The following SLC27A2 variants were observed in gnomAD, a reference collection of about 807,000 sequenced individuals.
The protein encoded by SLC27A2 is long-chain fatty acid transport protein 2.
A neutral mutation model predicts 60.0 loss-of-function variants in SLC27A2; 54 were observed. That is an observed-to-expected ratio of 0.90 (90% CI 0.72 to 1.13). The LOEUF (loss-of-function observed/expected upper bound fraction) is 1.13. Among genes scored for constraint, SLC27A2 ranks in the 50% most tolerant of loss-of-function variants. The pLI is 0.00. For missense variants in SLC27A2, 739 were observed against 777.6 expected (o/e 0.95, Z 0.59); for synonymous variants, 297 against 297.6 (o/e 1.00, Z 0.02).
At position 50,227,010 on chromosome 15, in the gene SLC27A2, C is replaced by G. The variant is rs2045283002; in HGVS notation, c.1289C>G (p.Thr430Arg). 6.2e-7 allele frequency: 1 copy of G among 1,613,756 alleles called. No individual in the cohort carries two copies. Among genetic ancestry groups the G allele is most frequent in the Admixed American group, 1.7e-5 (1 of 59,948 alleles). Reference protein sequence around the residue: ...GEVGLLVCKITQLTPFNGYAG... With the variant: ...GEVGLLVCKIRQLTPFNGYAG... ...GTTGGACTTCTGGTTTGCAAAATCACACAACTTACACCATTTAATGGCTAT... is the reference window on the plus strand; with the variant it reads ...GTTGGACTTCTGGTTTGCAAAATCAGACAACTTACACCATTTAATGGCTAT... The change falls in exon 7 of 10, where the codon ACA becomes AGA. Residue 430 changes from threonine to arginine, a missense_variant. Transcript: ENST00000267842.
intron 1 of SLC27A2, among the ~76,000 whole-genome samples, chr15:50,183,723 C>A (rs2044892766): frequency 6.6e-6 from 1 of 152,120 alleles, no homozygotes; most frequent in Admixed American, 6.5e-5. Context: ...GAATAAGGAC[C>A]AAGGGTTCCT....
At chr15:50,201,031 G>C (rs976890318) in intron 2 of SLC27A2, among the ~76,000 whole-genome samples, 7 of 152,130 alleles carry the variant, frequency 4.6e-5, no homozygotes, top group African/African-American at 1.7e-4. Flanking sequence ...TCATTCTGTT[G>C]CCCAGGCTGG....
intron 1 of SLC27A2, among the ~76,000 whole-genome samples, chr15:50,196,124 A>G (rs1453363372): frequency 1.2e-4 from 12 of 101,994 alleles, no homozygotes; most frequent in Non-Finnish European, 2.4e-4. Flanking sequence ...ATATATATAT[A>G]TGTATGTACA....
intron 1 of SLC27A2, among the ~76,000 whole-genome samples, chr15:50,188,854 G>A (rs972756528): frequency 2.0e-5 from 3 of 152,140 alleles, no homozygotes; most frequent in Admixed American, 1.3e-4. Flanking sequence ...CAGCTACTCC[G>A]GAGGCTGAGG....
intron 8 of SLC27A2, 105 bp from the exon 9 acceptor site, chr15:50,233,763 A>G (rs544592083): frequency 2.9e-6 from 3 of 1,031,326 alleles, no homozygotes; most frequent in Non-Finnish European, 4.1e-6. Context: ...CAGCTATCCA[A>G]ATGAAACCCA....
chr15:50,223,011 G>T lies in SLC27A2; in HGVS notation c.1019G>T (p.Gly340Val), dbSNP rs2045254218. 6.2e-7 allele frequency: 1 copy of T among 1,613,774 alleles called. No homozygotes were observed. Among genetic ancestry groups the T allele is most frequent in the Non-Finnish European group, 8.5e-7 (1 of 1,179,866 alleles). Residue 340 changes from glycine (G) to valine (V), a missense_variant, in exon 5 of 10, where the codon GGC becomes GTC. Gly to Val is a moderately radical substitution (Grantham distance 109, BLOSUM62 -3). Transcript: ENST00000267842. The stretch of plus-strand genomic sequence containing the variant: ...AAAGTGAGACTGGCACTGGGAAATG[G>T]CTTACGAGGAGATGTGTGGAGACAA... The part of the protein sequence containing the change: ...DHKVRLALGN[G>V]LRGDVWRQFV...
intron 4 of SLC27A2, among the ~76,000 whole-genome samples, chr15:50,207,822 A>AG: frequency 6.6e-6 from 1 of 151,888 alleles, no homozygotes; most frequent in Non-Finnish European, 1.5e-5. Context: ...AAAGAAAGAA[A>AG]ACAATCATAT....
In SLC27A2 at chr15:50,203,020, A is replaced by AAT. The variant is rs1555500674; in HGVS notation, c.847+395_847+396dup. Among the ~76,000 whole-genome samples the AAT allele has an allele frequency of 1.5e-3, 219 of 147,792 alleles. 1 individual carries two copies. The highest frequency in any genetic ancestry group is 1.9e-3 in the Non-Finnish European group (130 of 67,176). On this transcript the variant is annotated intron_variant, in intron 3 of 9. Coordinates refer to ENST00000267842, the MANE Select transcript of SLC27A2 (RefSeq NM_003645.4). ...CATAGCAAACCTCATCTCTAAAAAAAATATATATATATATATATATAGCCA... is the reference window on the plus strand; with the variant it reads ...CATAGCAAACCTCATCTCTAAAAAAAATATATATATATATATATATATAGCCA...
intron 1 of SLC27A2, among the ~76,000 whole-genome samples, chr15:50,186,576 TAC>T (rs975568977): frequency 6.6e-6 from 1 of 152,202 alleles, no homozygotes. Context: ...TAGCTGGGAC[TAC>T]AGATGCCCAC....
intron 1 of SLC27A2, among the ~76,000 whole-genome samples, chr15:50,188,632 G>C (rs759319421): frequency 6.6e-6 from 1 of 152,150 alleles, no homozygotes; most frequent in Non-Finnish European, 1.5e-5. Flanking sequence ...TAATTCCCTA[G>C]TAATGTCTAG....
intron 4 of SLC27A2, among the ~76,000 whole-genome samples, chr15:50,219,344 C>G (rs2045226957): frequency 1.3e-5 from 2 of 152,170 alleles, no homozygotes; most frequent in Admixed American, 6.6e-5. Context: ...GGCGTGAATA[C>G]AGCATTGTTC....
rs775771556 is a variant in SLC27A2 at position 50,182,651 on chromosome 15, GCGA to G, written c.228_230del (p.Asp76del). 6.2e-7 allele frequency: 1 copy of G among 1,613,962 alleles called. No homozygotes were observed. Among genetic ancestry groups the G allele is most frequent in the South Asian group, 1.1e-5 (1 of 91,088 alleles). On this transcript the variant is annotated inframe_deletion, in exon 1 of 10. Coordinates refer to ENST00000267842, the MANE Select transcript of SLC27A2 (RefSeq NM_003645.4). ...CCACACAAGCCTTTTCTGCTCTTCC[GCGA>G]CGAGACTCTCACCTACGCGCAGGTG...
At chr15:50,209,208 C>T (rs956940887) in intron 4 of SLC27A2, among the ~76,000 whole-genome samples, 5 of 152,106 alleles carry the variant, frequency 3.3e-5, no homozygotes, top group Non-Finnish European at 5.9e-5. Context: ...ACTGCGTCCC[C>T]CCAGAATTAG....
In SLC27A2 at chr15:50,227,133, A is replaced by G. The variant is rs1161873370; in HGVS notation, c.1412A>G (p.His471Arg). ...AGTGGAGATCTCTTAATGGTTGACC[A>G]TGAAAATTTCATCTATTTCCACGAC... is the stretch of plus-strand genomic sequence containing the variant. ...FNSGDLLMVD[H>R]ENFIYFHDRV... is the part of the protein sequence containing the mutation. Residue 471 changes from histidine (H) to arginine (R), a missense_variant, in exon 7 of 10, where the codon CAT becomes CGT. His to Arg is a conservative substitution (Grantham distance 29). Coordinates refer to ENST00000267842, the MANE Select transcript of SLC27A2 (RefSeq NM_003645.4). 6.2e-7 allele frequency: 1 copy of G among 1,613,360 alleles called. No homozygotes were observed. Among genetic ancestry groups the G allele is most frequent in the African/African-American group, 1.3e-5 (1 of 74,684 alleles).
intron 8 of SLC27A2, among the ~76,000 whole-genome samples, chr15:50,233,572 T>C (rs2045329864): frequency 6.6e-6 from 1 of 152,190 alleles, no homozygotes; most frequent in Non-Finnish European, 1.5e-5. Flanking sequence ...TCTTCATCTG[T>C]AAAATGGAAA....
intron 4 of SLC27A2, among the ~76,000 whole-genome samples, chr15:50,221,222 A>G (rs943533506): frequency 2.6e-5 from 4 of 151,794 alleles, no homozygotes; most frequent in African/African-American, 7.3e-5. Flanking sequence ...GAGAAAATAG[A>G]TTCCTACTCA....
intron 3 of SLC27A2, 53 bp from the exon 4 acceptor site, chr15:50,205,186 G>T: frequency 6.4e-7 from 1 of 1,554,896 alleles, no homozygotes; most frequent in Non-Finnish European, 8.7e-7. Context: ...AACATAACTG[G>T]GAGAATTTTT....
chr15:50,211,912 A>G (rs566071253), intron 4 of SLC27A2, among the ~76,000 whole-genome samples: 2 of 140,180 alleles, frequency 1.4e-5, no homozygotes, highest in East Asian at 4.1e-4. Flanking sequence ...TCTACTAAAA[A>G]TACAAAAAAA....
At chr15:50,195,790 A>C (rs2045009985) in intron 1 of SLC27A2, among the ~76,000 whole-genome samples, 2 of 151,386 alleles carry the variant, frequency 1.3e-5, no homozygotes, top group African/African-American at 2.4e-5. Context: ...TGGGACATTT[A>C]GTCACCTTCC....
Sources: gnomAD v4.1 joint callset for allele counts (sites outside exome capture counted in the v4.1 genomes callset) on GRCh38, gnomAD v4.1.1 for gene constraint, MANE v1.5 for transcripts, NCBI Gene and HGNC (gene_info 2026-07-23, HGNC 2026-07-21) for gene names.